ARHGAP10: variants seen among roughly 807,000 people sequenced by gnomAD.
ARHGAP10 encodes the protein rho GTPase-activating protein 10.
A neutral mutation model predicts 108.6 loss-of-function variants in ARHGAP10; 87 were observed. That is an observed-to-expected ratio of 0.80 (90% CI 0.67 to 0.96). The LOEUF is 0.96. Among genes scored for constraint, ARHGAP10 ranks in the 40% least tolerant of loss-of-function variants. The pLI, the probability that ARHGAP10 is intolerant of heterozygous loss-of-function variation, is 0.00. For synonymous variants in ARHGAP10, 347 were observed against 341.1 expected, an observed-to-expected ratio of 1.02 and a Z score of -0.19; for missense variants, 939 against 954.5, an observed-to-expected ratio of 0.98 and a Z score of 0.21.
intron 8 of ARHGAP10, among the ~76,000 whole-genome samples, chr4:147,876,043 T>G (rs59228616): frequency 6.6e-6 from 1 of 152,322 alleles, no homozygotes; most frequent in Admixed American, 6.5e-5. Flanking sequence ...TACAGGACTT[T>G]CAATCCGACC....
intron 1 of ARHGAP10, among the ~76,000 whole-genome samples, chr4:147,744,633 G>T (rs1728831495): frequency 6.6e-6 from 1 of 152,010 alleles, no homozygotes; most frequent in Non-Finnish European, 1.5e-5. Context: ...GGCTATAGGG[G>T]GTGATTGGGT....
chr4:148,046,822 A>G, intron 19 of ARHGAP10, 70 bp from the exon 20 acceptor site: 5 of 1,433,640 alleles, frequency 3.5e-6, no homozygotes, highest in East Asian at 2.3e-5. Flanking sequence ...AAGTAACACC[A>G]TATAATTATT....
chr4:147,756,746 C>A (rs925713258), intron 1 of ARHGAP10, among the ~76,000 whole-genome samples: 2 of 152,126 alleles, frequency 1.3e-5, no homozygotes, highest in Admixed American at 6.6e-5. Context: ...TGGAATATAT[C>A]CTCCCTGGAT....
chr4:147,905,191 A>G (rs973678550), intron 10 of ARHGAP10, among the ~76,000 whole-genome samples: 4 of 151,872 alleles, frequency 2.6e-5, no homozygotes, highest in African/African-American at 9.7e-5. Flanking sequence ...TTGCCTGATC[A>G]CTCTGATGGT....
intron 3 of ARHGAP10, among the ~76,000 whole-genome samples, chr4:147,829,239 A>T (rs1732850196): frequency 6.6e-6 from 1 of 151,846 alleles, no homozygotes; most frequent in South Asian, 2.1e-4. Context: ...TTTTTAGTAG[A>T]GACAGGGTTT....
chr4:147,872,477 A>G (rs926903728), intron 7 of ARHGAP10, among the ~76,000 whole-genome samples: 3 of 152,212 alleles, frequency 2.0e-5, no homozygotes, highest in African/African-American at 4.8e-5. Flanking sequence ...GTTTATATAA[A>G]CACGTGTGCT....
chr4:148,047,005 C>T lies in ARHGAP10; in HGVS notation c.1981C>T (p.His661Tyr), dbSNP rs1213784720. 3.1e-6 allele frequency: 5 copies of T among 1,614,154 alleles called. No homozygotes were observed. The highest frequency in any genetic ancestry group is 4.2e-6 in the Non-Finnish European group (5 of 1,180,020). ...TGGGCCTCCTGGACCAGACAAAAAC[C>T]ACCTTCTGGCAGATGGAGGGAGCTT... ...VPGPPGPDKNHLLADGGSFGD... is the reference protein window; with the variant it reads ...VPGPPGPDKNYLLADGGSFGD... Residue 661 changes from histidine (H) to tyrosine (Y), a missense_variant, in exon 20 of 23, where the codon CAC becomes TAC. Coordinates refer to ENST00000336498, the MANE Select transcript of ARHGAP10 (RefSeq NM_024605.4).
intron 18 of ARHGAP10, among the ~76,000 whole-genome samples, chr4:148,004,447 G>A (rs1283961316): frequency 6.6e-6 from 1 of 152,204 alleles, no homozygotes; most frequent in African/African-American, 2.4e-5. Context: ...CCAGGCCCTT[G>A]TGTGCAAGTA....
In ARHGAP10 at chr4:147,864,946, T is replaced by A; in HGVS notation, c.587T>A (p.Phe196Tyr). ...ATCCAAGAAAGAAAGAAGTTTGAGT[T>A]TGTGGAACCTGTGAGTATTGCCAAG... ...QEIQERKKFEFVEPMLSFFQG... is the reference protein window; with the variant it reads ...QEIQERKKFEYVEPMLSFFQG... Residue 196 changes from phenylalanine to tyrosine, a missense_variant, in exon 6 of 23, where the codon TTT becomes TAT. Coordinates refer to ENST00000336498, the MANE Select transcript of ARHGAP10 (RefSeq NM_024605.4). 6.2e-7 allele frequency: 1 copy of A among 1,613,522 alleles called. No homozygotes were observed.
At position 147,911,516 on chromosome 4, in the gene ARHGAP10, T is replaced by C. The variant is rs888632072; in HGVS notation, c.1163-1558T>C. ...TAACTGGGACTACAGGTGCCCACCATCACGCCCGGCTAATTTATTGTATTT... is the reference window on the plus strand; with the variant it reads ...TAACTGGGACTACAGGTGCCCACCACCACGCCCGGCTAATTTATTGTATTT... On this transcript the variant is annotated intron_variant, in intron 12 of 22. Coordinates refer to ENST00000336498, the MANE Select transcript of ARHGAP10 (RefSeq NM_024605.4). 6.5e-4 allele frequency among the ~76,000 whole-genome samples: 99 copies of C among 152,230 alleles called. 1 individual carries two copies. Among genetic ancestry groups the C allele is most frequent in the Middle Eastern group, 3.4e-3 (1 of 294 alleles).
chr4:148,031,468 G>C (rs1420013690), intron 19 of ARHGAP10, among the ~76,000 whole-genome samples: 1 of 152,134 alleles, frequency 6.6e-6, no homozygotes, highest in Non-Finnish European at 1.5e-5. Context: ...ACCCACATCT[G>C]TGACAAAGCT....
chr4:147,873,014 C>G (rs1277372893), intron 7 of ARHGAP10, among the ~76,000 whole-genome samples: 2 of 152,096 alleles, frequency 1.3e-5, no homozygotes, highest in Non-Finnish European at 2.9e-5. Flanking sequence ...GTAAGTAGAT[C>G]CACAAAGTTC....
At chr4:148,007,426 G>C (rs190755270) in intron 18 of ARHGAP10, among the ~76,000 whole-genome samples, 1 of 152,314 alleles carries the variant, frequency 6.6e-6, no homozygotes, top group African/African-American at 2.4e-5. Flanking sequence ...AGAAGAGTGT[G>C]ACAGGTCAGC....
intron 13 of ARHGAP10, among the ~76,000 whole-genome samples, chr4:147,925,195 G>A (rs966583057): frequency 1.3e-5 from 2 of 152,114 alleles, no homozygotes; most frequent in African/African-American, 2.4e-5. Flanking sequence ...ATTATCTCAA[G>A]CTTTTCCTCA....
intron 18 of ARHGAP10, among the ~76,000 whole-genome samples, chr4:148,002,247 A>G (rs1322588333): frequency 1.3e-5 from 2 of 152,224 alleles, no homozygotes; most frequent in Admixed American, 6.5e-5. Context: ...CCAGCCTTGC[A>G]TCCCAGGGAT....
In ARHGAP10 at chr4:147,875,098, C is replaced by A; in HGVS notation, c.780C>A (p.His260Gln). 6.2e-7 allele frequency: 1 copy of A among 1,608,400 alleles called. No homozygotes were observed. The highest frequency in any genetic ancestry group is 8.5e-7 in the Non-Finnish European group (1 of 1,178,536). ...AAATCAGACAGAATCCCAAGGACCA[C>A]AAACGAGCAAGTCAGTTTACAGCCG... ...MNKIRQNPKD[H>Q]KRASQFTAEG... Residue 260 changes from histidine (H) to glutamine (Q), a missense_variant, in exon 8 of 23, where the codon CAC (histidine) becomes CAA (glutamine). Coordinates refer to ENST00000336498, the MANE Select transcript of ARHGAP10 (RefSeq NM_024605.4).
intron 1 of ARHGAP10, among the ~76,000 whole-genome samples, chr4:147,789,291 ATATTT>A (rs1249671470): frequency 6.6e-6 from 1 of 152,108 alleles, no homozygotes; most frequent in Non-Finnish European, 1.5e-5. Flanking sequence ...TGTTTTCCAC[ATATTT>A]TATTTATGTT....
intron 21 of ARHGAP10, 53 bp downstream of exon 21, chr4:148,063,353 T>A (rs1240424140): frequency 6.2e-7 from 1 of 1,606,018 alleles, no homozygotes; most frequent in East Asian, 2.2e-5. Flanking sequence ...CACAGGGGGC[T>A]TGATGAACCT....
Position 147,897,448 on chromosome 4 carries a change from T to G in ARHGAP10, c.1035-9190T>G, listed in dbSNP as rs151081074. On this transcript the variant is annotated intron_variant, in intron 10 of 22. Transcript: ENST00000336498. ...TACGTATGGGCTTAAATCTGCCATC[T>G]TGATTTTGATTTCTAGTTTCCATGT... 1.1e-3 allele frequency among the ~76,000 whole-genome samples: 169 copies of G among 152,234 alleles called. 3 individuals carry two copies. The East Asian group carries it at 0.026, about 23-fold the overall frequency.
Sources: allele counts gnomAD v4.1 joint callset (sites outside exome capture counted in the v4.1 genomes callset), GRCh38; gene constraint gnomAD v4.1.1; transcripts MANE v1.5; gene names NCBI Gene and HGNC (gene_info 2026-07-23, HGNC 2026-07-21).